Variants in LDLRAD4 observed in about 807,000 individuals in gnomAD.
LDLRAD4 encodes low density lipoprotein receptor class A domain containing 4, also known as low-density lipoprotein receptor class A domain-containing protein 4.
A neutral mutation model predicts 17.0 loss-of-function variants in LDLRAD4; 5 were observed. That is an observed-to-expected ratio of 0.29 (90% CI 0.15 to 0.62). The LOEUF is 0.62. Among genes scored for constraint, LDLRAD4 ranks in the 20% least tolerant of loss-of-function variants. The pLI is 0.84. For synonymous variants in LDLRAD4, 168 were observed against 171.8 expected, an observed-to-expected ratio of 0.98 and a Z score of 0.17; for missense variants, 340 against 424.7, an observed-to-expected ratio of 0.80 and a Z score of 1.75.
intron 4 of LDLRAD4, among the ~76,000 whole-genome samples, chr18:13,634,470 G>A (rs1411744401): frequency 2.0e-5 from 3 of 152,042 alleles, no homozygotes; most frequent in Non-Finnish European, 4.4e-5. Context: ...ATTTTCAATA[G>A]CATCAAAAAA....
chr18:13,427,226 G>A (rs1437580528), intron 2 of LDLRAD4, among the ~76,000 whole-genome samples: 1 of 151,904 alleles, frequency 6.6e-6, no homozygotes, highest in African/African-American at 2.4e-5. Context: ...AAAACAAAAG[G>A]AAAGAAAAGA....
intron 1 of LDLRAD4, among the ~76,000 whole-genome samples, chr18:13,302,442 A>G (rs530225137): frequency 6.6e-6 from 1 of 152,312 alleles, no homozygotes; most frequent in South Asian, 2.1e-4. Flanking sequence ...TTCAAGAAGC[A>G]CTGGCACTAC....
Position 13,619,548 on chromosome 18 carries a change from G to GA in LDLRAD4, c.182-1569_182-1568insA, listed in dbSNP as rs1490962018. On this transcript the variant is annotated intron_variant, in intron 3 of 5. Transcript: ENST00000359446. ...GGCGGGGGTGGCACATATAAGTGTGGCAGCTCCAATGGACATTTCCTCCCC... is the reference window on the plus strand; with the variant it reads ...GGCGGGGGTGGCACATATAAGTGTGGACAGCTCCAATGGACATTTCCTCCCC... 4.0e-3 allele frequency among the ~76,000 whole-genome samples: 604 copies of GA among 151,212 alleles called. 4 individuals are homozygous for GA. The highest frequency in any genetic ancestry group is 0.014 in the African/African-American group (568 of 40,840).
Position 13,432,130 on chromosome 18 carries a change from G to A in LDLRAD4, c.41-6114G>A, listed in dbSNP as rs114546706. ...TCAACATGTGCACCTTGCACTGCAG[G>A]TTTCCCCAGGGGAGTGAGTGCGTGC... On this transcript the variant is annotated intron_variant, in intron 2 of 5. Coordinates refer to ENST00000359446, the Ensembl canonical transcript of LDLRAD4. Among the ~76,000 whole-genome samples, 1,010 of 152,316 alleles carry A rather than the reference G, an allele frequency of 6.6e-3. 17 individuals are homozygous for A. The highest frequency in any genetic ancestry group is 0.023 in the African/African-American group (952 of 41,572).
intron 1 of LDLRAD4, among the ~76,000 whole-genome samples, chr18:13,230,396 A>G (rs9962142): frequency 6.6e-6 from 1 of 152,102 alleles, no homozygotes; most frequent in Non-Finnish European, 1.5e-5. Flanking sequence ...GGAAAGAGTA[A>G]TCTAGTGGGT....
At chr18:13,235,782 C>T (rs1321793235) in intron 1 of LDLRAD4, among the ~76,000 whole-genome samples, 1 of 152,166 alleles carries the variant, frequency 6.6e-6, no homozygotes, top group Non-Finnish European at 1.5e-5. Flanking sequence ...CACATCCAGC[C>T]CTGGGGTGGG....
intron 3 of LDLRAD4, among the ~76,000 whole-genome samples, chr18:13,609,774 G>A (rs1011681476): frequency 6.6e-6 from 1 of 152,018 alleles, no homozygotes; most frequent in Non-Finnish European, 1.5e-5. Flanking sequence ...GGAGTTCCAG[G>A]ACAGCCTGGC....
intron 1 of LDLRAD4, among the ~76,000 whole-genome samples, chr18:13,377,230 G>C (rs2084983152): frequency 6.6e-6 from 1 of 152,204 alleles, no homozygotes; most frequent in Non-Finnish European, 1.5e-5. Flanking sequence ...GCACTGTTTT[G>C]CATTCTGTCC....
intron 3 of LDLRAD4, among the ~76,000 whole-genome samples, chr18:13,566,242 A>C (rs7228424): frequency 6.6e-6 from 1 of 151,990 alleles, no homozygotes; most frequent in African/African-American, 2.4e-5. Context: ...ACAGTAAGCT[A>C]TCCCTTGGCT....
intron 3 of LDLRAD4, among the ~76,000 whole-genome samples, chr18:13,582,504 C>T (rs2148458095): frequency 6.6e-6 from 1 of 152,338 alleles, no homozygotes; most frequent in Admixed American, 6.5e-5. Context: ...GCAGTGTTTG[C>T]AGCTCCTCTG....
At chr18:13,649,505 C>G (rs917595060) in exon 6 of LDLRAD4, 1 of 152,264 alleles carries the variant, frequency 6.6e-6, no homozygotes, top group Admixed American at 6.5e-5. Context: ...GAGAGACACC[C>G]GGCACCCAGT....
intron 3 of LDLRAD4, among the ~76,000 whole-genome samples, chr18:13,468,355 T>C (rs1302028287): frequency 6.6e-6 from 1 of 152,068 alleles, no homozygotes; most frequent in Non-Finnish European, 1.5e-5. Flanking sequence ...AAACAACAGG[T>C]GCTGGAGAGG....
At chr18:13,432,427 G>C (rs2090404499) in intron 2 of LDLRAD4, among the ~76,000 whole-genome samples, 2 of 152,180 alleles carry the variant, frequency 1.3e-5, no homozygotes, top group Non-Finnish European at 2.9e-5. Context: ...TGGTGTCTAG[G>C]ATAGCCTCCT....
At chr18:13,301,468 C>T (rs768607529) in intron 1 of LDLRAD4, among the ~76,000 whole-genome samples, 1 of 152,114 alleles carries the variant, frequency 6.6e-6, no homozygotes, top group Non-Finnish European at 1.5e-5. Flanking sequence ...TAACAGAGCT[C>T]TGGCTCTGCA....
chr18:13,648,129 C>T (rs2043086220), exon 6 of LDLRAD4: 1 of 152,236 alleles, frequency 6.6e-6, no homozygotes, highest in Admixed American at 6.5e-5. Flanking sequence ...GAGATGCACC[C>T]CACAGCTCTA....
chr18:13,447,391 G>A (rs915186853), intron 3 of LDLRAD4, among the ~76,000 whole-genome samples: 1 of 151,396 alleles, frequency 6.6e-6, no homozygotes, highest in African/African-American at 2.4e-5. Flanking sequence ...GTTTCTCCAA[G>A]ACGGTTTTCT....
chr18:13,456,974 G>A (rs185700365), intron 3 of LDLRAD4, among the ~76,000 whole-genome samples: 13 of 152,352 alleles, frequency 8.5e-5, no homozygotes, highest in African/African-American at 3.1e-4. Context: ...CCCTCACCCT[G>A]TGTTTTTCCT....
chr18:13,489,980 T>C (rs1486747253), intron 3 of LDLRAD4: 1 of 152,206 alleles, frequency 6.6e-6, no homozygotes, highest in Non-Finnish European at 1.5e-5. Context: ...TAAAAGGGAA[T>C]AAAATTTAGG....
At chr18:13,494,974 A>G (rs568739055) in intron 3 of LDLRAD4, among the ~76,000 whole-genome samples, 4 of 151,786 alleles carry the variant, frequency 2.6e-5, no homozygotes, top group Non-Finnish European at 5.9e-5. Context: ...TTTGCCTTCA[A>G]CCCTGAGACC....
Sources: allele counts gnomAD v4.1 joint callset (sites outside exome capture counted in the v4.1 genomes callset), GRCh38; gene constraint gnomAD v4.1.1; transcripts MANE v1.5; gene names NCBI Gene and HGNC (gene_info 2026-07-23, HGNC 2026-07-21).